Variants in BTAF1 observed in about 807,000 individuals in gnomAD.
BTAF1 encodes B-TFIID TATA-box binding protein associated factor 1, also known as TATA-binding protein-associated factor 172.
In BTAF1, 38 loss-of-function variants were observed where a neutral mutation model predicts 227.1. The ratio of observed to expected loss-of-function variants is 0.17; its 90% CI spans 0.13 to 0.22. BTAF1 has a LOEUF of 0.22. BTAF1 is among the 10% of genes least tolerant of loss of function. BTAF1 has a pLI of 1.00. For synonymous variants in BTAF1, 742 were observed against 751.9 expected (o/e 0.99, Z 0.21); for missense variants, 1,598 against 2,204.0 (o/e 0.73, Z 5.51).
intron 8 of BTAF1, among the ~76,000 whole-genome samples, chr10:91,958,500 G>T (rs1213682610): frequency 1.3e-5 from 2 of 152,106 alleles, no homozygotes; most frequent in Non-Finnish European, 2.9e-5. Context: ...TCAGGAGTTT[G>T]AGACCAGCCT....
intron 23 of BTAF1, 79 bp from the exon 24 acceptor site, chr10:91,996,290 C>T (rs1849142314): frequency 7.8e-7 from 1 of 1,275,088 alleles, no homozygotes; most frequent in South Asian, 1.4e-5. Context: ...TGAAAACTTT[C>T]CTGAGTATGG....
intron 35 of BTAF1, among the ~76,000 whole-genome samples, chr10:92,025,821 A>AC (rs1437248568): frequency 6.6e-6 from 1 of 151,150 alleles, no homozygotes; most frequent in Admixed American, 6.6e-5. Flanking sequence ...AAAAAAAAAA[A>AC]AAAAAAAAAA....
chr10:92,001,977 TATATATATAC>T (rs372146071), intron 25 of BTAF1, among the ~76,000 whole-genome samples: 1,458 of 70,520 alleles, frequency 0.021, 14 homozygotes, highest in Non-Finnish European at 0.043. Context: ...ACCATATATA[TATATATATAC>T]ACACACACAC....
intron 4 of BTAF1, 42 bp from the exon 5 acceptor site, chr10:91,951,361 C>T: frequency 6.3e-7 from 1 of 1,584,960 alleles, no homozygotes. Context: ...TAGAAAACTT[C>T]TTAACTGATT....
intron 19 of BTAF1, among the ~76,000 whole-genome samples, chr10:91,988,155 G>A (rs1848532173): frequency 6.6e-6 from 1 of 152,098 alleles, no homozygotes; most frequent in South Asian, 2.1e-4. Flanking sequence ...ACAGCAACTT[G>A]CACTTACCTC....
At chr10:92,003,208 A>G (rs1384467243) in intron 25 of BTAF1, among the ~76,000 whole-genome samples, 1 of 152,050 alleles carries the variant, frequency 6.6e-6, no homozygotes, top group Non-Finnish European at 1.5e-5. Flanking sequence ...AACGTATCAG[A>G]CCAATTAATA....
intron 4 of BTAF1, among the ~76,000 whole-genome samples, chr10:91,949,304 G>A (rs1845592554): frequency 6.6e-6 from 1 of 152,140 alleles, no homozygotes; most frequent in Non-Finnish European, 1.5e-5. Context: ...CAGAGCAAGA[G>A]CCTGTCTCAA....
At chr10:91,993,928 G>T in intron 22 of BTAF1, 81 bp downstream of exon 22, 4 of 1,061,678 alleles carry the variant, frequency 3.8e-6, no homozygotes, top group South Asian at 3.1e-5. Context: ...AAATAAAAAT[G>T]CCTCTATGCC....
intron 13 of BTAF1, among the ~76,000 whole-genome samples, chr10:91,964,600 CT>C (rs1183665859): frequency 1.2e-4 from 18 of 151,444 alleles, no homozygotes; most frequent in Non-Finnish European, 1.9e-4. Flanking sequence ...CCTCTGTGAA[CT>C]TTTTTTTTGT....
At chr10:91,934,380 G>A (rs1274596440) in intron 1 of BTAF1, among the ~76,000 whole-genome samples, 5 of 152,028 alleles carry the variant, frequency 3.3e-5, no homozygotes, top group African/African-American at 1.2e-4. Context: ...GGGACTACAG[G>A]TGGATGCCAC....
chr10:91,941,202 C>T (rs1844972322), intron 3 of BTAF1, among the ~76,000 whole-genome samples: 1 of 152,168 alleles, frequency 6.6e-6, no homozygotes, highest in African/African-American at 2.4e-5. Flanking sequence ...GTTATCCCCA[C>T]TTAGTTTGGT....
chr10:92,004,842 G>T (rs755023401), intron 25 of BTAF1, among the ~76,000 whole-genome samples: 7 of 152,092 alleles, frequency 4.6e-5, no homozygotes, highest in Non-Finnish European at 1.0e-4. Flanking sequence ...TGTCAAAAAG[G>T]CTTTTTTCTT....
chr10:92,011,429 A>G lies in BTAF1; in HGVS notation c.4311+14A>G, dbSNP rs1236769979. 2 of 1,180,954 alleles carry G rather than the reference A, an allele frequency of 1.7e-6. No homozygotes were observed. The highest frequency in any genetic ancestry group is 2.9e-5 in the South Asian group (1 of 34,382). The allele number at this position is 1,180,954 out of a possible 1,614,324, so 73.2% of individuals were successfully genotyped here. On this transcript the variant is annotated intron_variant, in intron 30 of 37. Transcript: ENST00000265990. Reference sequence around the variant, plus strand: ...ACACCAATCCAGGTAATTATTTATTATTATTTTTTTTAATTATTTTTATTT... The same window carrying G: ...ACACCAATCCAGGTAATTATTTATTGTTATTTTTTTTAATTATTTTTATTT...
At chr10:91,997,830 C>T (rs1444906862) in intron 25 of BTAF1, 79 bp downstream of exon 25, 11 of 1,444,190 alleles carry the variant, frequency 7.6e-6, no homozygotes, top group Non-Finnish European at 1.0e-5. Flanking sequence ...TTTTTAGGGC[C>T]AGGTACAAAG....
chr10:91,971,644 G>A (rs900189338), intron 14 of BTAF1, among the ~76,000 whole-genome samples: 1 of 151,680 alleles, frequency 6.6e-6, no homozygotes, highest in African/African-American at 2.4e-5. Flanking sequence ...ACTAATTTTT[G>A]TATTTTTAGT....
At chr10:91,996,974 G>C (rs1456648778) in intron 24 of BTAF1, 1 of 516,778 alleles carries the variant, frequency 1.9e-6, no homozygotes, top group African/African-American at 2.0e-5. Context: ...TCATTACTTG[G>C]GTTTACAAAT....
At position 91,961,878 on chromosome 10, in the gene BTAF1, T is replaced by C. The variant is rs941636273; in HGVS notation, c.1264-660T>C. Among the ~76,000 whole-genome samples the C allele has an allele frequency of 3.3e-5, 5 of 152,114 alleles. 1 individual carries two copies. The highest frequency in any genetic ancestry group is 1.2e-4 in the African/African-American group (5 of 41,416). On this transcript the variant is annotated intron_variant, in intron 11 of 37. Transcript: ENST00000265990. ...TTTCACTCTTCTCTCATTTTCCTTT[T>C]GGTTGTCGGTGGCATTGAATGAGAT...
At chr10:91,966,852 G>T in intron 14 of BTAF1, 95 bp downstream of exon 14, 1 of 1,222,256 alleles carries the variant, frequency 8.2e-7, no homozygotes, top group Non-Finnish European at 1.1e-6. Flanking sequence ...TATATCCAAA[G>T]ATCAGGACAA....
At chr10:91,953,712 A>G in intron 5 of BTAF1, 25 bp from the exon 6 acceptor site, 2 of 1,604,988 alleles carry the variant, frequency 1.2e-6, no homozygotes, top group Non-Finnish European at 1.7e-6. Context: ...AAAAGTTCCA[A>G]CTCAGCATTC....
Sources: gnomAD v4.1 joint callset for allele counts (sites outside exome capture counted in the v4.1 genomes callset) on GRCh38, gnomAD v4.1.1 for gene constraint, MANE v1.5 for transcripts, NCBI Gene and HGNC (gene_info 2026-07-23, HGNC 2026-07-21) for gene names.